The following MORF4L1 variants were observed in gnomAD, a reference collection of about 807,000 sequenced individuals.
The protein encoded by MORF4L1 is mortality factor 4 like 1.
Under a neutral mutation model 52.9 loss-of-function variants are expected in MORF4L1, and 4 were observed. The observed-to-expected ratio is 0.08, with a 90% confidence interval of 0.04 to 0.17. The LOEUF is 0.17. MORF4L1 is among the 10% of genes least tolerant of loss of function. The pLI, the probability that MORF4L1 is intolerant of heterozygous loss-of-function variation, is 1.00. For missense variants in MORF4L1, 214 were observed against 390.4 expected (o/e 0.55, Z 3.81); for synonymous variants, 123 against 134.8 (o/e 0.91, Z 0.61).
chr15:78,888,727 G>A (rs893155932), intron 5 of MORF4L1, among the ~76,000 whole-genome samples: 18 of 152,160 alleles, frequency 1.2e-4, no homozygotes, highest in African/African-American at 4.3e-4. Flanking sequence ...CTTAAAAAAA[G>A]TAAGGTGTTA....
In MORF4L1 at chr15:78,898,060, TGG is replaced by T. The variant is rs1312945497; in HGVS notation, c.*995_*996del. 1 of 152,230 alleles carries T rather than the reference TGG, an allele frequency of 6.6e-6. No individual in the cohort carries two copies. Among genetic ancestry groups the T allele is most frequent in the African/African-American group, 2.4e-5 (1 of 41,460 alleles). 9.4% of individuals were successfully genotyped at this position (152,230 alleles called of 1,614,324 possible). ...TTCTGTCTATAATTGTTTACTTTTG[TGG>T]GTTTACTCTAGAAACATGAGCCAAA... On this transcript the variant is annotated 3_prime_UTR_variant, in exon 12 of 12. Coordinates refer to ENST00000426013, the MANE Select transcript of MORF4L1 (RefSeq NM_006791.4).
chr15:78,873,032 G>C lies in MORF4L1; in HGVS notation c.15G>C (p.Gln5His), dbSNP rs185623329. 32 of 1,552,882 alleles carry C rather than the reference G, an allele frequency of 2.1e-5. No homozygotes were observed. The East Asian group carries it at 7.5e-4, about 36-fold the overall frequency. Reference sequence around the variant, plus strand: ...ATCACTTATAAATGGCGCCGAAGCAGGACCCGAAGCCTAAATTCCAGGAGG... The same window carrying C: ...ATCACTTATAAATGGCGCCGAAGCACGACCCGAAGCCTAAATTCCAGGAGG... MAPK[Q>H]DPKPKFQEGE... The change falls in exon 1 of 12, where the codon CAG (glutamine) becomes CAC (histidine). Residue 5 changes from glutamine (Q) to histidine (H), a missense_variant. By Grantham distance (24) the Gln-to-His change is conservative (BLOSUM62 0). Coordinates refer to ENST00000426013, the MANE Select transcript of MORF4L1 (RefSeq NM_006791.4).
chr15:78,896,136 G>A (rs2056884063), intron 11 of MORF4L1, among the ~76,000 whole-genome samples: 1 of 151,846 alleles, frequency 6.6e-6, no homozygotes, highest in African/African-American at 2.4e-5. Flanking sequence ...ACACCACCAT[G>A]CCTGACTGAT....
At position 78,886,241 on chromosome 15, in the gene MORF4L1, G is replaced by A. The variant is rs775078717; in HGVS notation, c.242+14G>A. ...AAAAGCCAATCAGTAAGTTTGTTTT[G>A]TGAACTGAATATTAAGGAGAAATGC... On this transcript the variant is annotated intron_variant, in intron 4 of 11. Coordinates refer to ENST00000426013, the MANE Select transcript of MORF4L1 (RefSeq NM_006791.4). The A allele has an allele frequency of 1.9e-6, 3 of 1,597,274 alleles. No individual in the cohort carries two copies. The highest frequency in any genetic ancestry group is 2.6e-6 in the Non-Finnish European group (3 of 1,164,642).
chr15:78,888,712 A>G (rs184388519), intron 5 of MORF4L1, among the ~76,000 whole-genome samples: 2 of 152,304 alleles, frequency 1.3e-5, no homozygotes, highest in African/African-American at 4.8e-5. Context: ...ACTGCGCTCC[A>G]GCCTCTTAAA....
At chr15:78,875,161 A>G (rs2056461361) in intron 1 of MORF4L1, among the ~76,000 whole-genome samples, 1 of 152,150 alleles carries the variant, frequency 6.6e-6, no homozygotes, top group Admixed American at 6.5e-5. Context: ...TGTTTTATGT[A>G]TTTATGAAAC....
Position 78,872,945 on chromosome 15 carries a change from T to G in MORF4L1, c.-73T>G, listed in dbSNP as rs1243181175. ...GCCTGACGGCGCGTCTGACGCGGAG[T>G]TGGGTGGGGTAGAGAGTAGGGGGCG... On this transcript the variant is annotated 5_prime_UTR_variant, in exon 1 of 12. Transcript: ENST00000426013. 1.0e-5 allele frequency: 15 copies of G among 1,499,470 alleles called. No homozygotes were observed. In the Admixed American group the frequency reaches 2.0e-4, roughly 20 times the overall value. The allele number at this position is 1,499,470 out of a possible 1,614,324, so 92.9% of individuals were successfully genotyped here. A position where few individuals can be genotyped will look rare whatever the true frequency, so the allele number is the denominator to read the frequency against.
At chr15:78,873,115 C>G in intron 1 of MORF4L1, 58 bp downstream of exon 1, 2 of 1,546,748 alleles carry the variant, frequency 1.3e-6, no homozygotes, top group Non-Finnish European at 1.7e-6. Flanking sequence ...GAGGCGGGCT[C>G]GAGGTGATTG....
In MORF4L1 at chr15:78,886,507, T is replaced by C. The variant is rs77907240; in HGVS notation, c.242+280T>C. The C allele has an allele frequency of 5.4e-3, 1,695 of 314,824 alleles. 28 individuals are homozygous for C. The highest frequency in any genetic ancestry group is 0.032 in the African/African-American group (1,510 of 47,744). The allele number at this position is 314,824 out of a possible 1,614,324, so 19.5% of individuals were successfully genotyped here. A position where few individuals can be genotyped will look rare whatever the true frequency, so the allele number is the denominator to read the frequency against. On this transcript the variant is annotated intron_variant, in intron 4 of 11. Coordinates refer to ENST00000426013, the MANE Select transcript of MORF4L1 (RefSeq NM_006791.4). ...GTATGAACTCACTGATAAAAATCTTTATTTTCGGGGGCTCTGGAAGACAAA... is the reference window on the plus strand; with the variant it reads ...GTATGAACTCACTGATAAAAATCTTCATTTTCGGGGGCTCTGGAAGACAAA...
At chr15:78,891,136 T>G (rs1243597843) in intron 6 of MORF4L1, 122 bp downstream of exon 6, 1 of 1,187,150 alleles carries the variant, frequency 8.4e-7, no homozygotes, top group Non-Finnish European at 1.2e-6. Context: ...AATAGGAGTC[T>G]CACAGCAGTG....
rs1049033941 is a variant in MORF4L1 at position 78,876,019 on chromosome 15, C to T, written c.41-2194C>T. ...GTGGCGCGATCTCGGGTCACTGCAG[C>T]CTCCGCCTCCTGGGTTCAAGCGATT... is the stretch of plus-strand genomic sequence containing the variant. On this transcript the variant is annotated intron_variant, in intron 1 of 11. Transcript: ENST00000426013. 2.6e-4 allele frequency among the ~76,000 whole-genome samples: 40 copies of T among 151,774 alleles called. 1 individual carries two copies. Among genetic ancestry groups the T allele is most frequent in the African/African-American group, 9.4e-4 (39 of 41,402 alleles).
intron 1 of MORF4L1, among the ~76,000 whole-genome samples, chr15:78,875,029 TTTC>T (rs1322296303): frequency 5.9e-5 from 9 of 152,234 alleles, no homozygotes; most frequent in Non-Finnish European, 1.5e-5. Context: ...CGCATTCTTA[TTTC>T]TTCAAAATTA....
At chr15:78,892,131 C>A in intron 7 of MORF4L1, 81 bp from the exon 8 acceptor site, 1 of 858,258 alleles carries the variant, frequency 1.2e-6, no homozygotes, top group South Asian at 1.6e-5. Context: ...ATCCCTAGTG[C>A]CTCTAAAAGT....
At chr15:78,879,461 C>G (rs781199605) in intron 2 of MORF4L1, among the ~76,000 whole-genome samples, 2 of 143,182 alleles carry the variant, frequency 1.4e-5, no homozygotes, top group Non-Finnish European at 3.1e-5. Flanking sequence ...ACCTCGTGAT[C>G]CACCTGCCTC....
chr15:78,890,829 C>A, intron 5 of MORF4L1, 160 bp from the exon 6 acceptor site: 1 of 607,052 alleles, frequency 1.6e-6, no homozygotes, highest in East Asian at 6.8e-5. Flanking sequence ...ATTTAACCAA[C>A]TATCAATAAA....
intron 1 of MORF4L1, chr15:78,873,307 CTCG>C (rs2056405481): frequency 8.2e-7 from 1 of 1,226,738 alleles, no homozygotes; most frequent in Non-Finnish European, 1.1e-6. Flanking sequence ...GTGGCACACC[CTCG>C]TCAAGTGTTT....
intron 1 of MORF4L1, chr15:78,873,722 A>G (rs1421426766): frequency 6.5e-6 from 1 of 153,680 alleles, no homozygotes; most frequent in Non-Finnish European, 1.5e-5. Flanking sequence ...TCCGCATACC[A>G]CAGAGTGGTG....
At chr15:78,873,321 GTTA>G (rs1002952182) in intron 1 of MORF4L1, 2 of 1,091,206 alleles carry the variant, frequency 1.8e-6, no homozygotes, top group African/African-American at 1.7e-5. Context: ...TCAAGTGTTT[GTTA>G]TTGTTCTGAG....
At chr15:78,893,484 G>A in intron 8 of MORF4L1, 55 bp from the exon 9 acceptor site, 1 of 1,232,068 alleles carries the variant, frequency 8.1e-7, no homozygotes, top group Non-Finnish European at 1.2e-6. Flanking sequence ...TGCCTGGTAT[G>A]ATTTTTCTTT....
Sources: allele counts gnomAD v4.1 joint callset (sites outside exome capture counted in the v4.1 genomes callset), GRCh38; gene constraint gnomAD v4.1.1; transcripts MANE v1.5; gene names NCBI Gene and HGNC (gene_info 2026-07-23, HGNC 2026-07-21).